The following ENTREP2 variants were observed in gnomAD, a reference collection of about 807,000 sequenced individuals.
ENTREP2 encodes the protein endosomal transmembrane epsin interactor 2.
the ENTREP2 span, among the ~76,000 whole-genome samples, chr15:29,366,558 A>G: frequency 6.6e-6 from 1 of 152,128 alleles, no homozygotes; most frequent in Non-Finnish European, 1.5e-5. Flanking sequence ...ATGTCCCCAG[A>G]GTTTCCCTTG....
the ENTREP2 span, among the ~76,000 whole-genome samples, chr15:29,299,248 G>A: frequency 2.6e-5 from 4 of 152,148 alleles, no homozygotes; most frequent in African/African-American, 4.8e-5. Flanking sequence ...AAACTCCTTC[G>A]GCCTCAGCAG....
At chr15:29,650,964 T>C in the ENTREP2 span, among the ~76,000 whole-genome samples, 1 of 152,150 alleles carries the variant, frequency 6.6e-6, no homozygotes, top group Admixed American at 6.5e-5. Context: ...TGCAGTCAGC[T>C]ATGATTGCAC....
At chr15:29,186,263 C>A in the ENTREP2 span, among the ~76,000 whole-genome samples, 1 of 152,240 alleles carries the variant, frequency 6.6e-6, no homozygotes, top group Non-Finnish European at 1.5e-5. Context: ...GAAGGAGGGA[C>A]TGTCTCTCTG....
At chr15:29,421,801 G>A in the ENTREP2 span, among the ~76,000 whole-genome samples, 2 of 152,068 alleles carry the variant, frequency 1.3e-5, no homozygotes, top group African/African-American at 4.8e-5. Context: ...TTTTCATGGT[G>A]CCATGGGAAA....
At chr15:29,634,680 G>A in the ENTREP2 span, among the ~76,000 whole-genome samples, 2 of 152,108 alleles carry the variant, frequency 1.3e-5, no homozygotes, top group Admixed American at 6.5e-5. Context: ...TCCCAGCCCC[G>A]CTAGATACCA....
the ENTREP2 span, chr15:29,373,907 A>G: frequency 6.6e-6 from 1 of 151,354 alleles, no homozygotes; most frequent in Non-Finnish European, 1.5e-5. Context: ...TCCTAAGCAG[A>G]AAAAAAAAGG....
chr15:29,357,364 A>G, the ENTREP2 span, among the ~76,000 whole-genome samples: 2 of 152,222 alleles, frequency 1.3e-5, no homozygotes, highest in South Asian at 4.1e-4. Flanking sequence ...GATAACCATA[A>G]GAAAAATGAC....
the ENTREP2 span, among the ~76,000 whole-genome samples, chr15:29,464,462 G>C: frequency 5.8e-4 from 88 of 152,244 alleles, no homozygotes; most frequent in African/African-American, 2.0e-3. Flanking sequence ...CGGAGATGAA[G>C]AGAAAATCAA....
chr15:29,136,428 G>A, the ENTREP2 span: 1 of 1,541,942 alleles, frequency 6.5e-7, no homozygotes, highest in Non-Finnish European at 8.7e-7. Context: ...GCAGGATAGA[G>A]CAGGCCGGGG....
At chr15:29,411,634 C>T in the ENTREP2 span, among the ~76,000 whole-genome samples, 6 of 152,156 alleles carry the variant, frequency 3.9e-5, no homozygotes, top group African/African-American at 9.7e-5. Context: ...TTGCTTTCTT[C>T]GTGATGTCTT....
chr15:29,447,854 G>C, the ENTREP2 span, among the ~76,000 whole-genome samples: 206 of 152,224 alleles, frequency 1.4e-3, 6 homozygotes, highest in East Asian at 0.038. Context: ...CCTGAGGTCA[G>C]GAGTTCAAGA....
At chr15:29,365,355 A>G in the ENTREP2 span, among the ~76,000 whole-genome samples, 1 of 150,990 alleles carries the variant, frequency 6.6e-6, no homozygotes, top group Admixed American at 6.6e-5. Context: ...TGATTTCAAG[A>G]GATCCTTCCA....
chr15:29,402,829 A>G, the ENTREP2 span, among the ~76,000 whole-genome samples: 1 of 152,174 alleles, frequency 6.6e-6, no homozygotes, highest in Non-Finnish European at 1.5e-5. Flanking sequence ...CATGGTTGAT[A>G]CACAACAGAG....
At chr15:29,159,234 G>A in the ENTREP2 span, among the ~76,000 whole-genome samples, 735 of 151,942 alleles carry the variant, frequency 4.8e-3, 4 homozygotes, top group Middle Eastern at 0.034. Context: ...ACAGACCTCC[G>A]CGGTGAGTGT....
At chr15:29,457,439 C>T in the ENTREP2 span, among the ~76,000 whole-genome samples, 2 of 152,220 alleles carry the variant, frequency 1.3e-5, no homozygotes, top group Admixed American at 1.3e-4. Flanking sequence ...GTGTCCCTTG[C>T]AGAGTCTTCC....
chr15:29,328,194 T>C, the ENTREP2 span, among the ~76,000 whole-genome samples: 1 of 152,300 alleles, frequency 6.6e-6, no homozygotes, highest in Admixed American at 6.5e-5. Flanking sequence ...AAGTAACATA[T>C]TGCATAATTC....
chr15:29,238,527 C>T, the ENTREP2 span, among the ~76,000 whole-genome samples: 1 of 151,786 alleles, frequency 6.6e-6, no homozygotes, highest in Non-Finnish European at 1.5e-5. Context: ...CCCAGCTACT[C>T]GGGAGGCTGA....
the ENTREP2 span, among the ~76,000 whole-genome samples, chr15:29,174,789 G>T: frequency 3.3e-5 from 5 of 151,000 alleles, no homozygotes; most frequent in African/African-American, 1.2e-4. Flanking sequence ...TGTAAAACAA[G>T]AACTTTTCCC....
chr15:29,378,541 C>T, the ENTREP2 span, among the ~76,000 whole-genome samples: 1 of 152,240 alleles, frequency 6.6e-6, no homozygotes, highest in East Asian at 1.9e-4. Flanking sequence ...TGGGCTGCAA[C>T]CAGTCAGTGG....
Sources: gnomAD v4.1 joint callset for allele counts (sites outside exome capture counted in the v4.1 genomes callset) on GRCh38, gnomAD v4.1.1 for gene constraint, MANE v1.5 for transcripts, NCBI Gene and HGNC (gene_info 2026-07-23, HGNC 2026-07-21) for gene names.